Variants in DLG2 observed in about 807,000 individuals in gnomAD.
The protein encoded by DLG2 is discs large MAGUK scaffold protein 2.
Under a neutral mutation model 132.5 loss-of-function variants are expected in DLG2, and 45 were observed. The ratio of observed to expected loss-of-function variants is 0.34; its 90% CI spans 0.27 to 0.44. The LOEUF is 0.44. Among genes scored for constraint, DLG2 ranks in the 20% least tolerant of loss-of-function variants. DLG2 has a pLI of 1.00. For synonymous variants in DLG2, 424 were observed against 419.6 expected, an observed-to-expected ratio of 1.01 and a Z score of -0.13; for missense variants, 1,045 against 1,196.9, an observed-to-expected ratio of 0.87 and a Z score of 1.87.
At position 83,735,652 on chromosome 11, in the gene DLG2, C is replaced by T. The variant is rs1484959308; in HGVS notation, c.1825+51038G>A. Among the ~76,000 whole-genome samples the T allele has an allele frequency of 2.6e-5, 4 of 152,296 alleles. No individual in the cohort carries two copies. The East Asian group carries it at 7.7e-4, about 29-fold the overall frequency. On this transcript the variant is annotated intron_variant, in intron 18 of 27. Transcript: ENST00000376104. ...ACTTAAATCATCTGTATTCCTATTG[C>T]TAAAGCATATGCAAACATAATTCTT...
At chr11:84,512,695 G>T (rs770468769) in intron 7 of DLG2, among the ~76,000 whole-genome samples, 2 of 151,782 alleles carry the variant, frequency 1.3e-5, no homozygotes. Context: ...AAACTTTATA[G>T]GCCAAGAGAA....
rs186075855 is a variant in DLG2, at chr11:85,112,357, T to C, written c.283-622A>G. On this transcript the variant is annotated intron_variant, in intron 5 of 27. Coordinates refer to ENST00000376104, the MANE Select transcript of DLG2 (RefSeq NM_001142699.3). ...AAGAAATTTATCTCTAGTTAACCTA[T>C]ACTTTTGTTGTAATTCCTGTAAATT... 5.3e-5 allele frequency among the ~76,000 whole-genome samples: 8 copies of C among 152,206 alleles called. No homozygotes were observed. In the East Asian group the frequency reaches 1.4e-3, roughly 26 times the overall value.
intron 3 of DLG2, among the ~76,000 whole-genome samples, chr11:85,534,492 C>T (rs1182764327): frequency 1.3e-5 from 2 of 152,144 alleles, no homozygotes; most frequent in Non-Finnish European, 2.9e-5. Flanking sequence ...CCTTGCCCCA[C>T]TCCCTACCTC....
rs1408645891 is a variant in DLG2 at position 83,904,752 on chromosome 11, T to C, written c.1496+25576A>G. Among the ~76,000 whole-genome samples the C allele has an allele frequency of 2.0e-5, 3 of 152,210 alleles. No homozygotes were observed. In the East Asian group the frequency reaches 5.8e-4, roughly 29 times the overall value. ...TACTGTTCCTAATAAAAGATTCAAG[T>C]TCCCTACACTTGGGGTTCTTTTCCT... On this transcript the variant is annotated intron_variant, in intron 15 of 27. Coordinates refer to ENST00000376104, the MANE Select transcript of DLG2 (RefSeq NM_001142699.3).
intron 18 of DLG2, chr11:83,651,713 G>C: frequency 2.9e-6 from 1 of 343,534 alleles, no homozygotes; most frequent in South Asian, 2.5e-5. Context: ...GAAAGAGAAT[G>C]CCCTCGGAAG....
At chr11:84,570,571 C>G (rs982813939) in intron 6 of DLG2, among the ~76,000 whole-genome samples, 2 of 152,116 alleles carry the variant, frequency 1.3e-5, no homozygotes, top group African/African-American at 2.4e-5. Flanking sequence ...GTCCATAGCA[C>G]ATAAGAACGA....
intron 7 of DLG2, among the ~76,000 whole-genome samples, chr11:84,280,772 A>G (rs1046859486): frequency 6.7e-6 from 1 of 150,000 alleles, no homozygotes; most frequent in Non-Finnish European, 1.5e-5. Flanking sequence ...ATCTCAGCTC[A>G]CTGCAAGCTC....
chr11:83,608,612 T>C (rs2059670123), intron 19 of DLG2, among the ~76,000 whole-genome samples: 1 of 152,172 alleles, frequency 6.6e-6, no homozygotes, highest in African/African-American at 2.4e-5. Flanking sequence ...GGTAAACATG[T>C]ATCATTTTTG....
At chr11:85,338,187 A>G (rs2082256035) in intron 3 of DLG2, among the ~76,000 whole-genome samples, 3 of 152,220 alleles carry the variant, frequency 2.0e-5, no homozygotes, top group African/African-American at 4.8e-5. Context: ...ATTATATTCT[A>G]TTGTTAACTC....
chr11:85,337,527 G>A (rs1003459408), intron 3 of DLG2, among the ~76,000 whole-genome samples: 6 of 152,182 alleles, frequency 3.9e-5, no homozygotes, highest in African/African-American at 1.4e-4. Context: ...ATTATTGGGT[G>A]TAAGATGCAA....
chr11:83,886,282 G>A (rs1476530117), intron 15 of DLG2, among the ~76,000 whole-genome samples: 2 of 151,994 alleles, frequency 1.3e-5, no homozygotes, highest in African/African-American at 4.8e-5. Context: ...AAACAAAAAA[G>A]GCAGGGGTTG....
intron 8 of DLG2, among the ~76,000 whole-genome samples, chr11:84,194,927 G>A (rs534831270): frequency 1.4e-4 from 21 of 152,280 alleles, no homozygotes; most frequent in East Asian, 3.9e-4. Flanking sequence ...CCCGGAACTC[G>A]TCCTGGCCGC....
At chr11:85,059,238 A>G (rs957745962) in intron 6 of DLG2, among the ~76,000 whole-genome samples, 6 of 151,502 alleles carry the variant, frequency 4.0e-5, no homozygotes, top group African/African-American at 1.5e-4. Context: ...TGAAATTACA[A>G]TATTTCTATG....
intron 6 of DLG2, among the ~76,000 whole-genome samples, chr11:84,535,269 T>C (rs59760148): frequency 0.011 from 1,623 of 152,356 alleles, 23 homozygotes; most frequent in African/African-American, 0.036. Flanking sequence ...AAGACAAGCT[T>C]ATCTTTCTTT....
At chr11:84,101,606 A>G (rs1295368438) in intron 9 of DLG2, among the ~76,000 whole-genome samples, 1 of 152,142 alleles carries the variant, frequency 6.6e-6, no homozygotes, top group Admixed American at 6.6e-5. Context: ...TGCATTGTCA[A>G]GTATGTAGCC....
intron 6 of DLG2, among the ~76,000 whole-genome samples, chr11:84,626,884 A>ATTTTATTTTATTTTATTTTT: frequency 6.6e-6 from 1 of 150,658 alleles, no homozygotes; most frequent in South Asian, 2.1e-4. Flanking sequence ...ATTTTATTTT[A>ATTTTATTTTATTTTATTTTT]TTTTTGAGAT....
chr11:83,944,526 G>T (rs942009069), intron 14 of DLG2, among the ~76,000 whole-genome samples: 1 of 152,214 alleles, frequency 6.6e-6, no homozygotes, highest in African/African-American at 2.4e-5. Context: ...CAGTATAGCC[G>T]ATGGAAGTCA....
intron 19 of DLG2, among the ~76,000 whole-genome samples, chr11:83,590,929 A>C (rs984134454): frequency 3.0e-4 from 45 of 151,318 alleles, no homozygotes; most frequent in Non-Finnish European, 5.3e-4. Flanking sequence ...CACTCTCCCA[A>C]GACTAAACCA....
chr11:84,181,063 AAAT>A (rs780644772), intron 8 of DLG2, among the ~76,000 whole-genome samples: 10 of 152,126 alleles, frequency 6.6e-5, no homozygotes, highest in South Asian at 6.2e-4. Context: ...AGTTTGTTCA[AAAT>A]AATAATAGGA....
Sources: allele counts gnomAD v4.1 joint callset (sites outside exome capture counted in the v4.1 genomes callset), GRCh38; gene constraint gnomAD v4.1.1; transcripts MANE v1.5; gene names NCBI Gene and HGNC (gene_info 2026-07-23, HGNC 2026-07-21).